Variants in AFAP1L1 observed in about 807,000 individuals in gnomAD.
AFAP1L1 encodes the protein actin filament-associated protein 1-like 1.
AFAP1L1 carries 77 observed loss-of-function variants against 99.8 expected under a neutral mutation model. The observed-to-expected ratio is 0.77, with a 90% CI of 0.64 to 0.93. AFAP1L1 has a LOEUF of 0.93. Among genes scored for constraint, AFAP1L1 ranks in the 40% least tolerant of loss-of-function variants. The probability of loss-of-function intolerance (pLI) is 0.00; values close to 1 mark genes in which losing one functional copy is unlikely to be tolerated. For synonymous variants in AFAP1L1, 373 were observed against 395.3 expected, an observed-to-expected ratio of 0.94 and a Z score of 0.67; for missense variants, 893 against 996.8, an observed-to-expected ratio of 0.90 and a Z score of 1.40.
intron 1 of AFAP1L1, among the ~76,000 whole-genome samples, chr5:149,289,088 A>T (rs950079418): frequency 6.6e-6 from 1 of 152,182 alleles, no homozygotes; most frequent in Non-Finnish European, 1.5e-5. Context: ...AAACCTGTGC[A>T]TGGGCTTTCT....
intron 15 of AFAP1L1, among the ~76,000 whole-genome samples, chr5:149,327,728 T>C (rs1371393348): frequency 6.6e-6 from 1 of 151,374 alleles, no homozygotes; most frequent in African/African-American, 2.4e-5. Flanking sequence ...AAAATAGAGA[T>C]TATGCAAACC....
At chr5:149,307,364 A>G (rs1163516908) in intron 6 of AFAP1L1, 38 bp from the exon 7 acceptor site, 3 of 1,607,614 alleles carry the variant, frequency 1.9e-6, no homozygotes, top group African/African-American at 2.7e-5. Flanking sequence ...CTTCCCCAGG[A>G]TGGCACAGTG....
chr5:149,299,994 C>T (rs557961787), intron 2 of AFAP1L1, among the ~76,000 whole-genome samples: 4 of 152,246 alleles, frequency 2.6e-5, no homozygotes, highest in Admixed American at 1.3e-4. Flanking sequence ...ACCCACCACA[C>T]CTGACACATG....
intron 12 of AFAP1L1, 135 bp from the exon 13 acceptor site, chr5:149,319,447 C>T (rs1756890360): frequency 2.0e-6 from 2 of 1,012,562 alleles, no homozygotes; most frequent in Non-Finnish European, 2.8e-6. Flanking sequence ...GTGCTATAAT[C>T]TTATTCCTCT....
intron 1 of AFAP1L1, 95 bp from the exon 2 acceptor site, chr5:149,299,414 C>T: frequency 6.5e-7 from 1 of 1,529,428 alleles, no homozygotes; most frequent in Non-Finnish European, 8.8e-7. Context: ...CCCTCTGACC[C>T]CTTCCGCCCA....
intron 1 of AFAP1L1, among the ~76,000 whole-genome samples, chr5:149,275,592 G>A (rs150695872): frequency 0.075 from 11,428 of 151,656 alleles, 565 homozygotes; most frequent in African/African-American, 0.13. Flanking sequence ...TGCAAGCTCC[G>A]CCTCCTTGGT....
intron 7 of AFAP1L1, among the ~76,000 whole-genome samples, chr5:149,309,260 T>C (rs193069189): frequency 1.5e-4 from 23 of 152,362 alleles, no homozygotes; most frequent in African/African-American, 4.3e-4. Flanking sequence ...ATACTTTTTC[T>C]AGCTCTATTC....
intron 1 of AFAP1L1, among the ~76,000 whole-genome samples, chr5:149,284,802 C>T (rs373181675): frequency 1.3e-5 from 2 of 152,020 alleles, no homozygotes; most frequent in South Asian, 2.1e-4. Flanking sequence ...AGCTCACATT[C>T]GAATGGAAAG....
In AFAP1L1 at chr5:149,322,711, G is replaced by A. The variant is rs779676346; in HGVS notation, c.1804G>A (p.Ala602Thr). 2.2e-5 allele frequency: 35 copies of A among 1,580,368 alleles called. No individual in the cohort carries two copies. The South Asian group carries it at 3.2e-4, about 15-fold the overall frequency. ...CCCGCAGGTCAAAGTCAAACGCCACGCCTCCAGTGAGTTGTGTGTGGGCCT... is the reference window on the plus strand; with the variant it reads ...CCCGCAGGTCAAAGTCAAACGCCACACCTCCAGTGAGTTGTGTGTGGGCCT... Reference protein sequence around the residue: ...VDPQVKVKRHASSANQYKYGK... With the variant: ...VDPQVKVKRHTSSANQYKYGK... The change falls in exon 15 of 19, where the codon GCC becomes ACC. Residue 602 changes from alanine (A) to threonine (T), a missense_variant. Physicochemically the swap from Ala to Thr is moderately conservative, Grantham distance 58. Coordinates refer to ENST00000296721, the MANE Select transcript of AFAP1L1 (RefSeq NM_152406.4).
At chr5:149,335,775 T>A in intron 18 of AFAP1L1, 53 bp downstream of exon 18, 1 of 1,588,176 alleles carries the variant, frequency 6.3e-7, no homozygotes, top group Non-Finnish European at 8.5e-7. Flanking sequence ...GCCCCCTTTC[T>A]ATGGAACTTC....
intron 1 of AFAP1L1, among the ~76,000 whole-genome samples, chr5:149,292,693 A>G (rs1755895378): frequency 6.6e-6 from 1 of 152,186 alleles, no homozygotes; most frequent in African/African-American, 2.4e-5. Flanking sequence ...CATCATTGGA[A>G]TTCACTGTAC....
chr5:149,300,124 A>C, intron 2 of AFAP1L1, 147 bp from the exon 3 acceptor site: 4 of 596,584 alleles, frequency 6.7e-6, no homozygotes, highest in Non-Finnish European at 5.9e-6. Flanking sequence ...ACTAAAACAA[A>C]GTTTGAAAAC....
At chr5:149,302,912 G>C (rs989417735) in intron 5 of AFAP1L1, among the ~76,000 whole-genome samples, 1 of 152,158 alleles carries the variant, frequency 6.6e-6, no homozygotes, top group African/African-American at 2.4e-5. Context: ...GCTAACCCAA[G>C]TGCTCCTCTT....
rs533824182 is a variant in AFAP1L1 at position 149,279,186 on chromosome 5, G to A, written c.16+7202G>A. 1.2e-4 allele frequency among the ~76,000 whole-genome samples: 19 copies of A among 152,318 alleles called. No homozygotes were observed. The South Asian group carries it at 1.5e-3, about 12-fold the overall frequency. On this transcript the variant is annotated intron_variant, in intron 1 of 18. Coordinates refer to ENST00000296721, the MANE Select transcript of AFAP1L1 (RefSeq NM_152406.4). Reference sequence around the variant, plus strand: ...GGACATGGAATCAGTTCTCAAATTCGTTGTCCTGTAGAAGAGGTAATAGAA... The same window carrying A: ...GGACATGGAATCAGTTCTCAAATTCATTGTCCTGTAGAAGAGGTAATAGAA...
chr5:149,336,766 T>C (rs1400993838), intron 18 of AFAP1L1, among the ~76,000 whole-genome samples: 2 of 152,212 alleles, frequency 1.3e-5, no homozygotes, highest in Admixed American at 1.3e-4. Context: ...TTCATGAAGA[T>C]AGAGCCCTCA....
At chr5:149,336,175 G>C (rs183233865) in intron 18 of AFAP1L1, among the ~76,000 whole-genome samples, 1 of 152,186 alleles carries the variant, frequency 6.6e-6, no homozygotes, top group Non-Finnish European at 1.5e-5. Flanking sequence ...GAACTTTTTG[G>C]ATTTTATAAA....
intron 18 of AFAP1L1, among the ~76,000 whole-genome samples, chr5:149,337,993 C>T (rs917878187): frequency 2.0e-5 from 3 of 152,154 alleles, no homozygotes; most frequent in Admixed American, 6.5e-5. Flanking sequence ...AGAGGGAAAG[C>T]GAGCGTGGAA....
chr5:149,305,625 A>G (rs1756380935), intron 5 of AFAP1L1, among the ~76,000 whole-genome samples: 1 of 152,118 alleles, frequency 6.6e-6, no homozygotes, highest in African/African-American at 2.4e-5. Flanking sequence ...CCAGCACTGC[A>G]CCGTACTACC....
intron 1 of AFAP1L1, among the ~76,000 whole-genome samples, chr5:149,293,586 T>G (rs1755925735): frequency 6.6e-6 from 1 of 152,220 alleles, no homozygotes; most frequent in South Asian, 2.1e-4. Flanking sequence ...TACTGTGTAC[T>G]GATTGAAACA....
Sources: gnomAD v4.1 joint callset for allele counts (sites outside exome capture counted in the v4.1 genomes callset) on GRCh38, gnomAD v4.1.1 for gene constraint, MANE v1.5 for transcripts, NCBI Gene and HGNC (gene_info 2026-07-23, HGNC 2026-07-21) for gene names.